Variants in QSER1 observed in about 807,000 individuals in gnomAD.
The protein encoded by QSER1 is glutamine and serine rich 1, also known as glutamine and serine-rich protein 1.
QSER1 carries 49 observed loss-of-function variants against 158.5 expected under a neutral mutation model. That is an observed-to-expected ratio of 0.31 (90% confidence interval 0.25 to 0.39). The LOEUF (loss-of-function observed/expected upper bound fraction) is 0.39. QSER1 is among the 10% of genes least tolerant of loss of function. QSER1 has a pLI of 1.00. For synonymous variants in QSER1, 650 were observed against 715.5 expected (o/e 0.91, Z 1.46); for missense variants, 1,754 against 2,010.3 (o/e 0.87, Z 2.44).
chr11:32,929,271 C>T (rs1198946746), intron 3 of QSER1, among the ~76,000 whole-genome samples: 1 of 152,044 alleles, frequency 6.6e-6, no homozygotes, highest in African/African-American at 2.4e-5. Context: ...ACCACCACGC[C>T]CAGCTAATTT....
intron 1 of QSER1, among the ~76,000 whole-genome samples, chr11:32,904,601 C>CTT (rs61491135): frequency 0.019 from 2,164 of 114,292 alleles, 58 homozygotes; most frequent in African/African-American, 0.049. Flanking sequence ...CATATCCACT[C>CTT]TTTTTTTTTT....
chr11:32,915,693 C>T (rs762567545), intron 1 of QSER1, among the ~76,000 whole-genome samples: 20 of 152,150 alleles, frequency 1.3e-4, no homozygotes, highest in Non-Finnish European at 1.9e-4. Flanking sequence ...CAGACCAGTA[C>T]TATCAGATTA....
intron 1 of QSER1, among the ~76,000 whole-genome samples, chr11:32,922,884 T>A (rs1440903746): frequency 6.6e-6 from 1 of 152,192 alleles, no homozygotes; most frequent in African/African-American, 2.4e-5. Flanking sequence ...ATGTAAAATG[T>A]TATAGCCACT....
intron 4 of QSER1, among the ~76,000 whole-genome samples, chr11:32,951,277 T>C (rs1208429852): frequency 1.3e-5 from 2 of 152,234 alleles, no homozygotes; most frequent in Non-Finnish European, 2.9e-5. Context: ...ACTTTCATTC[T>C]ATTCCATTGA....
intron 4 of QSER1, among the ~76,000 whole-genome samples, chr11:32,947,866 C>T (rs970083386): frequency 2.6e-5 from 4 of 152,158 alleles, no homozygotes; most frequent in Non-Finnish European, 5.9e-5. Context: ...CTTTTTCCCA[C>T]TTAATGATTT....
chr11:32,953,891 C>T lies in QSER1; in HGVS notation c.4212C>T (p.Ala1404=), dbSNP rs1852465440. The T allele has an allele frequency of 1.2e-6, 2 of 1,613,886 alleles. No homozygotes were observed. The highest frequency in any genetic ancestry group is 4.5e-5 in the East Asian group (2 of 44,878). ...AGGTGGCAACTACTAGCCCAACTGC[C>T]AATACTACTGGTACTGCTACTACTT... ...ALQVATTSPT[A]NTTGTATTSS... The change falls in exon 5 of 13, where the codon GCC becomes GCT. Residue 1404 remains alanine, a synonymous_variant. Coordinates refer to ENST00000650167, the MANE Select transcript of QSER1 (RefSeq NM_001076786.3).
chr11:32,979,251 T>C lies in QSER1; in HGVS notation c.*2777T>C, dbSNP rs1399000661. 6.6e-6 allele frequency: 1 copy of C among 152,628 alleles called. No homozygotes were observed. Among genetic ancestry groups the C allele is most frequent in the East Asian group, 1.9e-4 (1 of 5,206 alleles). 9.5% of individuals were successfully genotyped at this position (152,628 alleles called of 1,614,324 possible). A position where few individuals can be genotyped will look rare whatever the true frequency, so the allele number is the denominator to read the frequency against. On this transcript the variant is annotated 3_prime_UTR_variant, in exon 13 of 13. Transcript: ENST00000650167. ...GAAATTTATACTATAGAAATAACTTTAGGTTTTAGGTAGAGTTAAAGAGGT... is the reference window on the plus strand; with the variant it reads ...GAAATTTATACTATAGAAATAACTTCAGGTTTTAGGTAGAGTTAAAGAGGT...
rs781090443 is a variant in QSER1, at chr11:32,931,778, A to G, written c.520A>G (p.Thr174Ala). The G allele has an allele frequency of 5.6e-6, 9 of 1,612,250 alleles. No individual in the cohort carries two copies. Among genetic ancestry groups the G allele is most frequent in the Admixed American group, 5.0e-5 (3 of 59,802 alleles). The stretch of plus-strand genomic sequence containing the variant: ...CTCAGCAGCAACTGAGCTGTTTGCT[A>G]CTGGACCTTTGCCAAGCACTGGAAC... ...HSSAATELFATGPLPSTGTLP... is the reference protein window; with the variant it reads ...HSSAATELFAAGPLPSTGTLP... The change falls in exon 4 of 13, where the codon ACT (threonine) becomes GCT (alanine). Residue 174 changes from threonine (T) to alanine (A), a missense_variant. Transcript: ENST00000650167.
chr11:32,916,446 CAT>C (rs1851831639), intron 1 of QSER1, among the ~76,000 whole-genome samples: 1 of 152,166 alleles, frequency 6.6e-6, no homozygotes, highest in African/African-American at 2.4e-5. Context: ...TGGGACATTT[CAT>C]ATATAGCCAT....
In QSER1 at chr11:32,954,018, A is replaced by G. The variant is rs1852468246; in HGVS notation, c.4339A>G (p.Ile1447Val). Residue 1447 changes from isoleucine to valine, a missense_variant, in exon 5 of 13, where the codon ATT becomes GTT. Transcript: ENST00000650167. ...NISSSESSKP[I>V]ELDGLPSDQF... ...AAGCTCTTCAGAATCCTCAAAGCCC[A>G]TTGAACTTGATGGTCTTCCTTCAGA... is the stretch of plus-strand genomic sequence containing the variant. 1.9e-6 allele frequency: 3 copies of G among 1,614,046 alleles called. No homozygotes were observed. The highest frequency in any genetic ancestry group is 1.6e-4 in the Middle Eastern group (1 of 6,084).
rs549029241 is a variant in QSER1 at position 32,958,217 on chromosome 11, G to T, written c.4969+131G>T. On this transcript the variant is annotated intron_variant, in intron 8 of 12. Transcript: ENST00000650167. ...TATCTACCTAATAAATTCTGTTTAG[G>T]TTTTTATGAAAGTAAGTTCACATTC... 311 of 786,024 alleles carry T rather than the reference G, an allele frequency of 4.0e-4. 2 individuals are homozygous for T. Among genetic ancestry groups the T allele is most frequent in the Non-Finnish European group, 5.1e-4 (255 of 502,584 alleles). The allele number at this position is 786,024 out of a possible 1,614,324, so 48.7% of individuals were successfully genotyped here.
At position 32,935,122 on chromosome 11, in the gene QSER1, C is replaced by T. The variant is rs768155508; in HGVS notation, c.3864C>T (p.Ser1288=). 16 of 1,613,854 alleles carry T rather than the reference C, an allele frequency of 9.9e-6. No homozygotes were observed. Among genetic ancestry groups the T allele is most frequent in the Middle Eastern group, 1.6e-4 (1 of 6,082 alleles). ...CTTCTTTCTTAGATTTTCTGAAATC[C>T]GGGCCCAAGCAGCAGTTTTCCACTC... The part of the protein sequence containing the change: ...FIASFLDFLK[S]GPKQQFSTLA... Residue 1288 remains serine, a synonymous_variant, in exon 4 of 13, where the codon TCC becomes TCT. Transcript: ENST00000650167.
chr11:32,923,786 G>A (rs989412086), intron 1 of QSER1, among the ~76,000 whole-genome samples: 2 of 151,886 alleles, frequency 1.3e-5, no homozygotes. Context: ...CGGCCAACAT[G>A]GTGAAACCCC....
intron 1 of QSER1, among the ~76,000 whole-genome samples, chr11:32,901,658 A>AT (rs1851626897): frequency 6.6e-6 from 1 of 152,200 alleles, no homozygotes; most frequent in African/African-American, 2.4e-5. Flanking sequence ...CAGAATTGTC[A>AT]TGGGAGGGAA....
In QSER1 at chr11:32,934,647, A is replaced by G. The variant is rs748251080; in HGVS notation, c.3389A>G (p.Asn1130Ser). Residue 1130 changes from asparagine to serine, a missense_variant, in exon 4 of 13, where the codon AAT becomes AGT. Physicochemically the swap from Asn to Ser is conservative, Grantham distance 46. This residue lies in a region of QSER1 where 1,707 missense variants were observed against 1,919.6 expected (regional missense o/e 0.89). Coordinates refer to ENST00000650167, the MANE Select transcript of QSER1 (RefSeq NM_001076786.3). ...GCTCCTGTTGATAGTACATTAAATA[A>G]TAACAGAAACCAAGAGTTTGTTTCT... ...SEAPVDSTLN[N>S]NRNQEFVSSS... The G allele has an allele frequency of 1.9e-6, 3 of 1,613,838 alleles. No homozygotes were observed. Among genetic ancestry groups the G allele is most frequent in the Non-Finnish European group, 2.5e-6 (3 of 1,179,950 alleles).
chr11:32,941,122 G>A (rs191730905), intron 4 of QSER1, among the ~76,000 whole-genome samples: 45 of 151,536 alleles, frequency 3.0e-4, no homozygotes, highest in African/African-American at 9.9e-4. Flanking sequence ...TTTCGAACTG[G>A]CTTATTATTT....
intron 1 of QSER1, among the ~76,000 whole-genome samples, chr11:32,910,757 A>G (rs1374162284): frequency 6.6e-6 from 1 of 152,254 alleles, no homozygotes; most frequent in Non-Finnish European, 1.5e-5. Flanking sequence ...AAATAGAGTA[A>G]AAATCAAAAT....
In QSER1 at chr11:32,938,254, G is replaced by A. The variant is rs184776538; in HGVS notation, c.4177+2819G>A. Among the ~76,000 whole-genome samples, 17 of 152,236 alleles carry A rather than the reference G, an allele frequency of 1.1e-4. No homozygotes were observed. The East Asian group carries it at 3.3e-3, about 29-fold the overall frequency. ...GAGAGGACTCAGGGACATAAAGAAC[G>A]TCATGCACAACCTGAGTCATTAATT... On this transcript the variant is annotated intron_variant, in intron 4 of 12. Transcript: ENST00000650167.
intron 1 of QSER1, among the ~76,000 whole-genome samples, chr11:32,894,366 C>T (rs1851527572): frequency 6.6e-6 from 1 of 152,168 alleles, no homozygotes; most frequent in African/African-American, 2.4e-5. Flanking sequence ...CCGAACAATA[C>T]AGAATCTGGT....
Sources: gnomAD v4.1 joint callset for allele counts (sites outside exome capture counted in the v4.1 genomes callset) on GRCh38, gnomAD v4.1.1 for gene constraint, gnomAD v4.1.1 regional missense constraint, MANE v1.5 for transcripts, NCBI Gene and HGNC (gene_info 2026-07-23, HGNC 2026-07-21) for gene names.